The following CSMD1 variants were observed in gnomAD, a reference collection of about 807,000 sequenced individuals.
The protein encoded by CSMD1 is CUB and sushi domain-containing protein 1.
A neutral mutation model predicts 417.5 loss-of-function variants in CSMD1; 213 were observed. The observed-to-expected ratio is 0.51, with a 90% CI of 0.46 to 0.57. CSMD1 has a LOEUF of 0.57. Among genes scored for constraint, CSMD1 ranks in the 20% least tolerant of loss-of-function variants. CSMD1 has a pLI of 0.00. For synonymous variants in CSMD1, 2,862 were observed against 1,736.8 expected, an observed-to-expected ratio of 1.65 and a Z score of -16.11; for missense variants, 6,923 against 4,529.7, an observed-to-expected ratio of 1.53 and a Z score of -15.17.
chr8:3,058,598 T>A (rs947101027), intron 49 of CSMD1, among the ~76,000 whole-genome samples: 7 of 152,224 alleles, frequency 4.6e-5, no homozygotes, highest in African/African-American at 1.4e-4. Flanking sequence ...CTAGAAAGAA[T>A]GTTTGTGCCA....
chr8:3,589,563 G>C (rs1487373129), intron 8 of CSMD1, among the ~76,000 whole-genome samples: 1 of 152,110 alleles, frequency 6.6e-6, no homozygotes, highest in Non-Finnish European at 1.5e-5. Flanking sequence ...ATTTCTAGGT[G>C]AAATCTGGAA....
intron 5 of CSMD1, among the ~76,000 whole-genome samples, chr8:3,765,739 G>A (rs911380330): frequency 6.6e-6 from 1 of 152,180 alleles, no homozygotes; most frequent in Non-Finnish European, 1.5e-5. Context: ...GGGGCGCCCA[G>A]GGGGTGAGAT....
chr8:3,788,902 G>A (rs981961270), intron 5 of CSMD1, among the ~76,000 whole-genome samples: 4 of 152,168 alleles, frequency 2.6e-5, no homozygotes, highest in African/African-American at 7.2e-5. Context: ...AGGCTCAGAG[G>A]AGGAAAGGGA....
intron 51 of CSMD1, among the ~76,000 whole-genome samples, chr8:3,019,639 G>A (rs73505008): frequency 0.012 from 1,843 of 152,296 alleles, 35 homozygotes; most frequent in African/African-American, 0.042. Context: ...ACTGGGTGTC[G>A]ATGGGGTGAC....
chr8:4,004,283 G>A (rs748042717), intron 4 of CSMD1, among the ~76,000 whole-genome samples: 3 of 152,148 alleles, frequency 2.0e-5, no homozygotes, highest in East Asian at 1.9e-4. Context: ...CATGAATAAT[G>A]AATGAAACTT....
intron 3 of CSMD1, among the ~76,000 whole-genome samples, chr8:4,085,546 A>G (rs1328842895): frequency 1.3e-5 from 2 of 152,170 alleles, no homozygotes; most frequent in Middle Eastern, 3.2e-3. Flanking sequence ...TAACCCTAAT[A>G]AGCTGGACAA....
At chr8:4,741,665 C>T (rs931874415) in intron 1 of CSMD1, among the ~76,000 whole-genome samples, 2 of 152,214 alleles carry the variant, frequency 1.3e-5, no homozygotes, top group East Asian at 1.9e-4. Flanking sequence ...ATTTAAGATC[C>T]GTTCAGTAAA....
At chr8:3,919,553 G>C (rs1019737346) in intron 5 of CSMD1, among the ~76,000 whole-genome samples, 4 of 152,024 alleles carry the variant, frequency 2.6e-5, no homozygotes, top group Admixed American at 2.6e-4. Flanking sequence ...AATATAATTT[G>C]ATATCAGGAC....
At chr8:3,325,261 T>C (rs1806450374) in intron 23 of CSMD1, among the ~76,000 whole-genome samples, 1 of 152,070 alleles carries the variant, frequency 6.6e-6, no homozygotes, top group African/African-American at 2.4e-5. Context: ...CATCCATGAC[T>C]GACTAATACA....
At chr8:4,755,987 T>G (rs1451849432) in intron 1 of CSMD1, among the ~76,000 whole-genome samples, 2 of 152,222 alleles carry the variant, frequency 1.3e-5, no homozygotes, top group African/African-American at 2.4e-5. Context: ...TATGATGAAT[T>G]ATTTAGTATG....
intron 3 of CSMD1, among the ~76,000 whole-genome samples, chr8:4,324,214 A>G (rs1206962840): frequency 3.3e-5 from 5 of 152,242 alleles, no homozygotes; most frequent in East Asian, 1.9e-4. Context: ...ATCGGAATGT[A>G]TGATGCATCT....
chr8:3,916,614 C>A (rs1808847582), intron 5 of CSMD1, among the ~76,000 whole-genome samples: 1 of 152,122 alleles, frequency 6.6e-6, no homozygotes, highest in South Asian at 2.1e-4. Flanking sequence ...TAGTAGGCGA[C>A]TGCAAATGTA....
intron 7 of CSMD1, among the ~76,000 whole-genome samples, chr8:3,661,386 T>A (rs1428475148): frequency 7.0e-6 from 1 of 143,510 alleles, no homozygotes; most frequent in Non-Finnish European, 1.5e-5. Flanking sequence ...GTTACTTCCC[T>A]TTTTTTGTGT....
rs536851857 is a variant in CSMD1, at chr8:3,432,661, G to A, written c.1562-23056C>T. On this transcript the variant is annotated intron_variant, in intron 12 of 69. Coordinates refer to ENST00000635120, the MANE Select transcript of CSMD1 (RefSeq NM_033225.6). ...TTCCTGAGTAGCTGGGACTACAGGC[G>A]TGTGCCACCACACCCAGCTAATTTT... Among the ~76,000 whole-genome samples, 7 of 151,992 alleles carry A rather than the reference G, an allele frequency of 4.6e-5. No homozygotes were observed. The East Asian group carries it at 5.8e-4, about 13-fold the overall frequency.
At chr8:4,872,055 T>A (rs1389728107) in intron 1 of CSMD1, among the ~76,000 whole-genome samples, 2 of 152,124 alleles carry the variant, frequency 1.3e-5, no homozygotes, top group Non-Finnish European at 2.9e-5. Context: ...TATTAATAAA[T>A]AACTTGCAAA....
At chr8:3,654,901 C>T (rs888028754) in intron 7 of CSMD1, among the ~76,000 whole-genome samples, 1 of 152,188 alleles carries the variant, frequency 6.6e-6, no homozygotes, top group African/African-American at 2.4e-5. Context: ...AGGAGCTGGG[C>T]TCCACACAGT....
intron 3 of CSMD1, among the ~76,000 whole-genome samples, chr8:4,152,728 C>G (rs1796633388): frequency 6.6e-6 from 1 of 151,674 alleles, no homozygotes; most frequent in African/African-American, 2.4e-5. Context: ...TACACACACA[C>G]AATAGATATA....
chr8:4,904,547 C>G (rs1805111215), intron 1 of CSMD1, among the ~76,000 whole-genome samples: 1 of 152,112 alleles, frequency 6.6e-6, no homozygotes. Context: ...TCTCTGTGGA[C>G]ACATGGAGCC....
chr8:3,990,081 T>C (rs1170546052), intron 5 of CSMD1, among the ~76,000 whole-genome samples: 4 of 152,192 alleles, frequency 2.6e-5, no homozygotes, highest in Non-Finnish European at 5.9e-5. Flanking sequence ...GTGGGCGCAA[T>C]GGCCCCTCAG....
Sources: allele counts gnomAD v4.1 joint callset (sites outside exome capture counted in the v4.1 genomes callset), GRCh38; gene constraint gnomAD v4.1.1; transcripts MANE v1.5; gene names NCBI Gene and HGNC (gene_info 2026-07-23, HGNC 2026-07-21).